The following GLO1 variants were observed in gnomAD, a reference collection of about 807,000 sequenced individuals.
GLO1 encodes lactoylglutathione lyase.
Under a neutral mutation model 26.0 loss-of-function variants are expected in GLO1, and 28 were observed. That is an observed-to-expected ratio of 1.08 (90% CI 0.80 to 1.48). The LOEUF is 1.48. Ranked by LOEUF, GLO1 falls within the 40% of genes most tolerant of loss-of-function variation. The probability of loss-of-function intolerance (pLI) is 0.00; values close to 1 mark genes in which losing one functional copy is unlikely to be tolerated. For missense variants in GLO1, 225 were observed against 224.8 expected, an observed-to-expected ratio of 1.00 and a Z score of -0.01; for synonymous variants, 78 against 77.6, an observed-to-expected ratio of 1.00 and a Z score of -0.03.
intron 5 of GLO1, among the ~76,000 whole-genome samples, chr6:38,680,929 G>C (rs1761363965): frequency 6.6e-6 from 1 of 152,120 alleles, no homozygotes; most frequent in Non-Finnish European, 1.5e-5. Flanking sequence ...TGAAGAAAAA[G>C]TGATCAAACA....
rs141501881 is a variant in GLO1, at chr6:38,688,073, T to C, written c.85-1099A>G. ...TTTTTCTCTTTTGCTAAATTTTAAG[T>C]AAATGAAACATACTCTTTTAGGCAT... On this transcript the variant is annotated intron_variant, in intron 1 of 5. Transcript: ENST00000373365. Among the ~76,000 whole-genome samples, 11 of 152,284 alleles carry C rather than the reference T, an allele frequency of 7.2e-5. No homozygotes were observed. The East Asian group carries it at 1.9e-3, about 27-fold the overall frequency.
intron 1 of GLO1, among the ~76,000 whole-genome samples, chr6:38,698,655 A>AC (rs1180985323): frequency 2.7e-5 from 3 of 110,426 alleles, no homozygotes; most frequent in Non-Finnish European, 5.4e-5. Context: ...GGAGAACCTG[A>AC]CCTTTTTTTT....
At chr6:38,691,030 A>G (rs1761521786) in intron 1 of GLO1, among the ~76,000 whole-genome samples, 1 of 152,184 alleles carries the variant, frequency 6.6e-6, no homozygotes, top group Non-Finnish European at 1.5e-5. Flanking sequence ...AAATACATGT[A>G]TCTCCTGTTT....
intron 1 of GLO1, among the ~76,000 whole-genome samples, chr6:38,691,315 T>C (rs2127547662): frequency 6.6e-6 from 1 of 151,862 alleles, no homozygotes; most frequent in South Asian, 2.1e-4. Context: ...AAGAAAACTT[T>C]TTTTTTTTTT....
intron 5 of GLO1, among the ~76,000 whole-genome samples, chr6:38,679,355 T>G (rs1223159113): frequency 1.3e-5 from 2 of 151,940 alleles, no homozygotes; most frequent in African/African-American, 4.8e-5. Context: ...TGGAATGCAA[T>G]GGCACAATCA....
chr6:38,680,508 C>T (rs542818062), intron 5 of GLO1, among the ~76,000 whole-genome samples: 15 of 152,196 alleles, frequency 9.9e-5, no homozygotes, highest in African/African-American at 3.1e-4. Flanking sequence ...GCAACAAGAG[C>T]GAAACTCCGT....
chr6:38,698,251 T>A (rs1413735302), intron 1 of GLO1, among the ~76,000 whole-genome samples: 1 of 152,142 alleles, frequency 6.6e-6, no homozygotes, highest in South Asian at 2.1e-4. Flanking sequence ...CGTAGGTCCC[T>A]GCCTCAGTTC....
At chr6:38,701,470 G>A (rs1761697128) in intron 1 of GLO1, among the ~76,000 whole-genome samples, 1 of 151,592 alleles carries the variant, frequency 6.6e-6, no homozygotes, top group African/African-American at 2.4e-5. Flanking sequence ...CATTTACTTA[G>A]TATATTTTAT....
At position 38,684,404 on chromosome 6, in the gene GLO1, A is replaced by C; in HGVS notation, c.278T>G (p.Leu93Arg). 1 of 1,548,368 alleles carries C rather than the reference A, an allele frequency of 6.5e-7. No homozygotes were observed. The highest frequency in any genetic ancestry group is 8.7e-7 in the Non-Finnish European group (1 of 1,144,376). ...KEKDEKIAWALSRKATLELTH... is the reference protein window; with the variant it reads ...KEKDEKIAWARSRKATLELTH... ...CAGCTCAAGTGTAGCTTTTCTGGAG[A>C]GCGCCCAGGCTATTTTTTCATCTTT... Residue 93 changes from leucine (L) to arginine (R), a missense_variant, in exon 3 of 6, where the codon CTC becomes CGC. By Grantham distance (102) the Leu-to-Arg change is moderately radical. Coordinates refer to ENST00000373365, the MANE Select transcript of GLO1 (RefSeq NM_006708.3).
At chr6:38,698,641 G>A (rs1191967928) in intron 1 of GLO1, among the ~76,000 whole-genome samples, 1 of 148,040 alleles carries the variant, frequency 6.8e-6, no homozygotes. Context: ...ATCACTACTT[G>A]GAAGGAGAAC....
At chr6:38,696,961 C>T (rs977431401) in intron 1 of GLO1, among the ~76,000 whole-genome samples, 3 of 151,180 alleles carry the variant, frequency 2.0e-5, no homozygotes, top group African/African-American at 7.3e-5. Flanking sequence ...CTCTGTTGCC[C>T]AGGCTGGAGT....
intron 3 of GLO1, 115 bp from the exon 4 acceptor site, chr6:38,682,990 A>G: frequency 1.5e-6 from 1 of 648,434 alleles, no homozygotes; most frequent in Admixed American, 2.6e-5. Context: ...AATTGGCCTA[A>G]CCCCTGCTAC....
chr6:38,689,825 A>C (rs981312290), intron 1 of GLO1, among the ~76,000 whole-genome samples: 13 of 151,932 alleles, frequency 8.6e-5, no homozygotes, highest in African/African-American at 3.1e-4. Context: ...TGCACGAATT[A>C]ATATTCTTTT....
chr6:38,683,819 A>G (rs9366973), intron 3 of GLO1, among the ~76,000 whole-genome samples: 88,164 of 151,602 alleles, frequency 0.58, 26,157 homozygotes, highest in African/African-American at 0.69. Flanking sequence ...TCCGGGAGGC[A>G]GAGCTTGCAG....
At chr6:38,698,605 GAT>G (rs1023606301) in intron 1 of GLO1, among the ~76,000 whole-genome samples, 3 of 147,996 alleles carry the variant, frequency 2.0e-5, no homozygotes, top group African/African-American at 7.4e-5. Flanking sequence ...GACAGATACA[GAT>G]AGTAAAAAAG....
At chr6:38,700,468 A>G (rs116697025) in intron 1 of GLO1, among the ~76,000 whole-genome samples, 2,054 of 152,336 alleles carry the variant, frequency 0.013, 44 homozygotes, top group African/African-American at 0.046. Flanking sequence ...ACTGAGCCCA[A>G]GTGCCCTGGC....
At position 38,702,975 on chromosome 6, in the gene GLO1, G is replaced by GT. The variant is rs1317208639; in HGVS notation, c.79dup (p.Thr27AsnfsTer17). On this transcript the variant is annotated frameshift_variant, in exon 1 of 6. Coordinates refer to ENST00000373365, the MANE Select transcript of GLO1 (RefSeq NM_006708.3). LOFTEE classifies it high-confidence loss of function. ...TCCCTTCGGTCCTGTGCCCACCTTG[G>GT]TACTGGGGTCCGCGTCGGAGCAGCA... is the stretch of plus-strand genomic sequence containing the variant. 4.5e-6 allele frequency: 7 copies of GT among 1,556,082 alleles called. No individual in the cohort carries two copies. In the East Asian group the frequency reaches 9.1e-5, roughly 20 times the overall value.
intron 1 of GLO1, among the ~76,000 whole-genome samples, chr6:38,688,763 G>C (rs1450373485): frequency 6.6e-6 from 1 of 152,346 alleles, no homozygotes; most frequent in Admixed American, 6.5e-5. Context: ...AAATTCTAAA[G>C]ATGTCCTTCC....
rs1358193875 is a variant in GLO1, at chr6:38,702,991, C to T, written c.64G>A (p.Asp22Asn). Reference sequence around the variant, plus strand: ...CCCACCTTGGTACTGGGGTCCGCGTCGGAGCAGCAACTGAGGGCGGCCTCG... The same window carrying T: ...CCCACCTTGGTACTGGGGTCCGCGTTGGAGCAGCAACTGAGGGCGGCCTCG... ...TDEAALSCCSDADPSTKDFLL... is the reference protein window; with the variant it reads ...TDEAALSCCSNADPSTKDFLL... Residue 22 changes from aspartate to asparagine, a missense_variant, in exon 1 of 6, where the codon GAC (aspartate) becomes AAC (asparagine). Asp to Asn is a conservative substitution (Grantham distance 23). Transcript: ENST00000373365. 1.3e-6 allele frequency: 2 copies of T among 1,580,592 alleles called. No homozygotes were observed. The highest frequency in any genetic ancestry group is 4.6e-5 in the East Asian group (2 of 43,898).
Sources: gnomAD v4.1 joint callset for allele counts (sites outside exome capture counted in the v4.1 genomes callset) on GRCh38, gnomAD v4.1.1 for gene constraint, MANE v1.5 for transcripts, NCBI Gene and HGNC (gene_info 2026-07-23, HGNC 2026-07-21) for gene names.